NUP54: variants seen among roughly 807,000 people sequenced by gnomAD.
NUP54 encodes the protein nucleoporin p54.
Under a neutral mutation model 66.4 loss-of-function variants are expected in NUP54, and 27 were observed. The ratio of observed to expected loss-of-function variants is 0.41; its 90% CI spans 0.30 to 0.56. The LOEUF is 0.56. Among genes scored for constraint, NUP54 ranks in the 20% least tolerant of loss-of-function variants. The pLI is 0.34. For missense variants in NUP54, 486 were observed against 596.3 expected (o/e 0.82, Z 1.93); for synonymous variants, 206 against 210.7 (o/e 0.98, Z 0.19).
intron 9 of NUP54, among the ~76,000 whole-genome samples, chr4:76,119,242 C>T (rs531760673): frequency 1.2e-4 from 19 of 152,046 alleles, no homozygotes; most frequent in African/African-American, 4.3e-4. Context: ...TCTCTCATAC[C>T]CCCAAGACAA....
chr4:76,138,196 T>C (rs1483132511), intron 3 of NUP54, among the ~76,000 whole-genome samples: 1 of 152,190 alleles, frequency 6.6e-6, no homozygotes, highest in East Asian at 1.9e-4. Context: ...AACACTTGAA[T>C]CCTGGTTTAT....
intron 9 of NUP54, 104 bp from the exon 10 acceptor site, chr4:76,118,298 C>T (rs1730048460): frequency 2.9e-6 from 3 of 1,046,316 alleles, no homozygotes. Context: ...GAAAATCAAA[C>T]AACAGTAGGG....
At chr4:76,139,539 A>G (rs557212172) in intron 3 of NUP54, among the ~76,000 whole-genome samples, 1 of 152,328 alleles carries the variant, frequency 6.6e-6, no homozygotes, top group South Asian at 2.1e-4. Context: ...TCTCTACACT[A>G]AAAAGAACTT....
chr4:76,147,828 T>TA (rs143431524), intron 1 of NUP54: 5,825 of 359,322 alleles, frequency 0.016, 213 homozygotes, highest in African/African-American at 0.089. Flanking sequence ...GCATGACGGA[T>TA]AAACCCCACA....
chr4:76,118,081 C>T lies in NUP54; in HGVS notation c.1278G>A (p.Gln426=). Residue 426 remains glutamine (Q), a synonymous_variant, in exon 10 of 12, where the codon CAG becomes CAA. Transcript: ENST00000264883. Reference sequence around the variant, plus strand: ...TGGTCTTAGAAGTGGTTACCTTGAACTGAGTAGGTGCATTTAGTTCACCCT... The same window carrying T: ...TGGTCTTAGAAGTGGTTACCTTGAATTGAGTAGGTGCATTTAGTTCACCCT... The part of the protein sequence containing the change: ...TIQGELNAPT[Q]FKGRLNELMS... 1 of 1,614,002 alleles carries T rather than the reference C, an allele frequency of 6.2e-7. No individual in the cohort carries two copies. Among genetic ancestry groups the T allele is most frequent in the African/African-American group, 1.3e-5 (1 of 75,042 alleles).
intron 8 of NUP54, among the ~76,000 whole-genome samples, chr4:76,127,432 CA>C (rs59383944): frequency 0.015 from 818 of 54,748 alleles, 1 homozygote; most frequent in African/African-American, 0.048. Flanking sequence ...ACCCCCATCT[CA>C]AAAAAAAAAA....
chr4:76,118,327 G>C, intron 9 of NUP54, 133 bp from the exon 10 acceptor site: 4 of 758,504 alleles, frequency 5.3e-6, no homozygotes, highest in Non-Finnish European at 8.7e-6. Flanking sequence ...TTCAGGATTT[G>C]AATTATGTTT....
intron 3 of NUP54, among the ~76,000 whole-genome samples, chr4:76,140,057 G>A (rs1305678425): frequency 6.6e-6 from 1 of 152,068 alleles, no homozygotes; most frequent in African/African-American, 2.4e-5. Flanking sequence ...TGTTATTACT[G>A]TTTCAAGAAA....
intron 8 of NUP54, among the ~76,000 whole-genome samples, chr4:76,130,142 A>G (rs1189814561): frequency 6.6e-6 from 1 of 151,640 alleles, no homozygotes; most frequent in African/African-American, 2.4e-5. Context: ...CACGACACCC[A>G]GCTAATTTTT....
chr4:76,132,487 T>C, intron 6 of NUP54, 36 bp downstream of exon 6: 1 of 1,487,486 alleles, frequency 6.7e-7, no homozygotes, highest in South Asian at 1.4e-5. Flanking sequence ...TCTAAATCTT[T>C]CTTTTTTTTT....
intron 3 of NUP54, among the ~76,000 whole-genome samples, chr4:76,137,038 G>C (rs1471557314): frequency 6.6e-6 from 1 of 152,122 alleles, no homozygotes; most frequent in African/African-American, 2.4e-5. Context: ...TGCCTAGACT[G>C]GAGTGCAGTG....
At chr4:76,118,915 G>A (rs1324632518) in intron 9 of NUP54, among the ~76,000 whole-genome samples, 1 of 151,964 alleles carries the variant, frequency 6.6e-6, no homozygotes, top group Non-Finnish European at 1.5e-5. Flanking sequence ...TGAGGCAGGA[G>A]AATGGCGGAA....
intron 8 of NUP54, among the ~76,000 whole-genome samples, chr4:76,130,012 A>C (rs1343627129): frequency 2.4e-5 from 2 of 84,214 alleles, no homozygotes; most frequent in African/African-American, 4.5e-5. Flanking sequence ...GAGGAGTCTC[A>C]CTCTGTCGCC....
intron 8 of NUP54, among the ~76,000 whole-genome samples, chr4:76,130,187 G>A (rs1032863760): frequency 2.0e-5 from 3 of 151,284 alleles, no homozygotes; most frequent in Non-Finnish European, 4.4e-5. Flanking sequence ...TTGCCAAGTC[G>A]GCCAGGCTTG....
chr4:76,116,254 A>G (rs1002535864), intron 11 of NUP54, among the ~76,000 whole-genome samples: 3 of 152,382 alleles, frequency 2.0e-5, no homozygotes. Flanking sequence ...ACAATGGAAT[A>G]TAATTGGTTA....
intron 1 of NUP54, chr4:76,147,429 T>C: frequency 8.2e-7 from 1 of 1,213,258 alleles, no homozygotes; most frequent in Non-Finnish European, 1.1e-6. Flanking sequence ...CACAATATTC[T>C]TGGACTCCAG....
In NUP54 at chr4:76,125,619, GGAGAGGGA is replaced by G. The variant is rs1472335426; in HGVS notation, c.1057-871_1057-864del. Among the ~76,000 whole-genome samples, 255 of 82,172 alleles carry G rather than the reference GGAGAGGGA, an allele frequency of 3.1e-3. 8 individuals carry two copies. Among genetic ancestry groups the G allele is most frequent in the East Asian group, 1.0e-2 (12 of 1,202 alleles). 53.9% of individuals were successfully genotyped at this position (82,172 alleles called of 152,430 possible). A position where few individuals can be genotyped will look rare whatever the true frequency, so the allele number is the denominator to read the frequency against. On this transcript the variant is annotated intron_variant, in intron 8 of 11. Transcript: ENST00000264883. ...CACTGCACTCCAGCATGGGCAAGAG[GGAGAGGGA>G]GAGGGGGAGAGGGGGAGAGGGGGAG...
chr4:76,145,966 T>C (rs2109915646), intron 1 of NUP54: 1 of 295,326 alleles, frequency 3.4e-6, no homozygotes, highest in African/African-American at 2.2e-5. Context: ...ATAAACATTT[T>C]CATAAAAGTC....
At position 76,131,288 on chromosome 4, in the gene NUP54, C is replaced by CCA. The variant is rs1286311127; in HGVS notation, c.908-6_908-5dup. 1 of 1,556,930 alleles carries CCA rather than the reference C, an allele frequency of 6.4e-7. No individual in the cohort carries two copies. The highest frequency in any genetic ancestry group is 2.3e-5 in the East Asian group (1 of 43,204). ...TCCCAGATAATAGGATCAACACCTA[C>CCA]CACAAATAAAAAATATTTTTTCTAA... On this transcript the variant is annotated splice_polypyrimidine_tract_variant and splice_region_variant and intron_variant, in intron 6 of 11. Transcript: ENST00000264883.
Sources: allele counts gnomAD v4.1 joint callset (sites outside exome capture counted in the v4.1 genomes callset), GRCh38; gene constraint gnomAD v4.1.1; transcripts MANE v1.5; gene names NCBI Gene and HGNC (gene_info 2026-07-23, HGNC 2026-07-21).